The following ENAH variants were observed in gnomAD, a reference collection of about 807,000 sequenced individuals.
The protein encoded by ENAH is ENAH actin regulator.
A neutral mutation model predicts 78.7 loss-of-function variants in ENAH; 23 were observed. That is an observed-to-expected ratio of 0.29 (90% confidence interval 0.21 to 0.41). The LOEUF is 0.41. Ranked by LOEUF, ENAH falls within the 10% of genes least tolerant of loss-of-function variation. The pLI, the probability that ENAH is intolerant of heterozygous loss-of-function variation, is 1.00. For missense variants in ENAH, 544 were observed against 691.0 expected (o/e 0.79, Z 2.39); for synonymous variants, 226 against 241.0 (o/e 0.94, Z 0.58).
intron 4 of ENAH, chr1:225,524,715 C>G (rs1037943130): frequency 1.1e-6 from 1 of 874,654 alleles, no homozygotes; most frequent in Admixed American, 6.2e-5. Context: ...AATTATTATT[C>G]CCCTTTTATA....
rs2096257007 is a variant in ENAH, at chr1:225,497,818, T to G, written c.1676-6A>C. ...GCTCAGTTCCTGCCTGATTGCTGGA[T>G]GGAAAAGAACAAGTATTGAAAATAA... On this transcript the variant is annotated splice_region_variant and splice_polypyrimidine_tract_variant and intron_variant, in intron 13 of 13. Coordinates refer to ENST00000366843, the MANE Select transcript of ENAH (RefSeq NM_018212.6). 1 of 1,610,982 alleles carries G rather than the reference T, an allele frequency of 6.2e-7. No homozygotes were observed. The highest frequency in any genetic ancestry group is 2.2e-5 in the East Asian group (1 of 44,790).
chr1:225,543,017 T>C (rs2151338164), intron 3 of ENAH, among the ~76,000 whole-genome samples: 1 of 149,012 alleles, frequency 6.7e-6, no homozygotes, highest in South Asian at 2.2e-4. Flanking sequence ...AGACTCTCTC[T>C]TAAAAAAAAA....
At chr1:225,515,012 C>T (rs1558734190) in intron 6 of ENAH, 112 bp from the exon 7 acceptor site, 2 of 835,998 alleles carry the variant, frequency 2.4e-6, no homozygotes, top group Admixed American at 2.4e-5. Flanking sequence ...CATGTATTTA[C>T]TTAATGAGTC....
chr1:225,604,552 G>A (rs1206199060), intron 1 of ENAH, among the ~76,000 whole-genome samples: 2 of 151,662 alleles, frequency 1.3e-5, no homozygotes, highest in Non-Finnish European at 2.9e-5. Flanking sequence ...AGGAGGCCGA[G>A]GCGGGCAGAT....
At chr1:225,564,453 T>C (rs935454073) in intron 2 of ENAH, among the ~76,000 whole-genome samples, 51 of 136,332 alleles carry the variant, frequency 3.7e-4, no homozygotes, top group Non-Finnish European at 2.1e-4. Context: ...CATGCCCGAC[T>C]ATTTTTTTTT....
intron 11 of ENAH, 68 bp from the exon 12 acceptor site, chr1:225,501,138 G>T: frequency 8.3e-7 from 1 of 1,199,316 alleles, no homozygotes; most frequent in Non-Finnish European, 1.2e-6. Flanking sequence ...ATAAATAATT[G>T]CAAATTTACC....
intron 1 of ENAH, among the ~76,000 whole-genome samples, chr1:225,589,161 G>A (rs888725919): frequency 6.6e-6 from 1 of 152,012 alleles, no homozygotes; most frequent in Non-Finnish European, 1.5e-5. Context: ...GAGGCAAAGC[G>A]AGGAGTGACA....
chr1:225,577,407 C>G (rs1373575948), intron 1 of ENAH, among the ~76,000 whole-genome samples: 2 of 152,202 alleles, frequency 1.3e-5, no homozygotes, highest in Admixed American at 1.3e-4. Flanking sequence ...GTGAATGCCA[C>G]TGACAAACAG....
At chr1:225,615,233 C>T (rs1164446599) in intron 1 of ENAH, among the ~76,000 whole-genome samples, 1 of 151,720 alleles carries the variant, frequency 6.6e-6, no homozygotes, top group African/African-American at 2.4e-5. Context: ...TCGGTGGAGA[C>T]GGGGTTTCGC....
chr1:225,642,623 T>C (rs965565442), intron 1 of ENAH, among the ~76,000 whole-genome samples: 3 of 151,816 alleles, frequency 2.0e-5, no homozygotes, highest in Non-Finnish European at 4.4e-5. Context: ...TAAGCTATGA[T>C]TGTACCACTG....
rs371486457 is a variant in ENAH, at chr1:225,494,064, C to CAAAAAAAAAAAAA, written c.*3698_*3710dup. ...AGCAAGAACATGAGACAGGCTAGAGCAAAAAAAAAAAAAAAAAAACAGCTG... is the reference window on the plus strand; with the variant it reads ...AGCAAGAACATGAGACAGGCTAGAGCAAAAAAAAAAAAAAAAAAAAAAAAAAAAAAAACAGCTG... On this transcript the variant is annotated 3_prime_UTR_variant, in exon 14 of 14. Transcript: ENST00000366843. 1.2e-4 allele frequency: 9 copies of CAAAAAAAAAAAAA among 73,142 alleles called. 1 individual carries two copies. The highest frequency in any genetic ancestry group is 1.7e-4 in the Non-Finnish European group (7 of 41,076). 4.5% of individuals were successfully genotyped at this position (73,142 alleles called of 1,614,324 possible). A position where few individuals can be genotyped will look rare whatever the true frequency, so the allele number is the denominator to read the frequency against.
chr1:225,588,288 G>A (rs1221253370), intron 1 of ENAH, among the ~76,000 whole-genome samples: 1 of 152,154 alleles, frequency 6.6e-6, no homozygotes, highest in Non-Finnish European at 1.5e-5. Flanking sequence ...CAACATTTCT[G>A]AAACTCCAAC....
chr1:225,615,737 C>G (rs1488547173), intron 1 of ENAH, among the ~76,000 whole-genome samples: 2 of 151,414 alleles, frequency 1.3e-5, no homozygotes, highest in African/African-American at 4.9e-5. Context: ...CGACCGCCAC[C>G]CCGTCTGGGA....
At chr1:225,612,447 T>G (rs2096995869) in intron 1 of ENAH, among the ~76,000 whole-genome samples, 1 of 152,216 alleles carries the variant, frequency 6.6e-6, no homozygotes, top group Admixed American at 6.5e-5. Flanking sequence ...GGGAAATGAT[T>G]GCTTGGTGGG....
chr1:225,564,239 C>T (rs115716200), intron 2 of ENAH, among the ~76,000 whole-genome samples: 5,514 of 152,032 alleles, frequency 0.036, 164 homozygotes, highest in South Asian at 0.053. Context: ...CTCAGCCTCT[C>T]GAGTAGCTGG....
intron 2 of ENAH, among the ~76,000 whole-genome samples, chr1:225,555,349 G>A (rs1000317743): frequency 8.5e-5 from 13 of 152,142 alleles, no homozygotes; most frequent in Admixed American, 2.6e-4. Flanking sequence ...GGGAGGGCTC[G>A]AGGCAGGCAG....
chr1:225,635,422 C>T (rs1298883408), intron 1 of ENAH, among the ~76,000 whole-genome samples: 2 of 152,102 alleles, frequency 1.3e-5, no homozygotes, highest in Non-Finnish European at 2.9e-5. Flanking sequence ...CGATCTTGTA[C>T]CCTGCAACTT....
chr1:225,651,033 T>C (rs1273717021), intron 1 of ENAH, among the ~76,000 whole-genome samples: 1 of 152,044 alleles, frequency 6.6e-6, no homozygotes, highest in Non-Finnish European at 1.5e-5. Context: ...ATGTATATTA[T>C]AGTTCCTGAG....
At chr1:225,578,636 T>A (rs1355226639) in intron 1 of ENAH, among the ~76,000 whole-genome samples, 1 of 152,232 alleles carries the variant, frequency 6.6e-6, no homozygotes, top group African/African-American at 2.4e-5. Flanking sequence ...CTCTTTCTTG[T>A]AATATGAAAG....
Sources: gnomAD v4.1 joint callset for allele counts (sites outside exome capture counted in the v4.1 genomes callset) on GRCh38, gnomAD v4.1.1 for gene constraint, MANE v1.5 for transcripts, NCBI Gene and HGNC (gene_info 2026-07-23, HGNC 2026-07-21) for gene names.